Variants in ADGRG3 observed in about 807,000 individuals in gnomAD.
ADGRG3 encodes adhesion G protein-coupled receptor G3.
In ADGRG3, 39 loss-of-function variants were observed where a neutral mutation model predicts 54.3. That is an observed-to-expected ratio of 0.72 (90% confidence interval 0.56 to 0.94). The LOEUF (loss-of-function observed/expected upper bound fraction) is 0.94, where lower values mean the gene tolerates loss of function less well. Ranked by LOEUF, ADGRG3 falls within the 40% of genes least tolerant of loss-of-function variation. ADGRG3 has a pLI of 0.00. For synonymous variants in ADGRG3, 312 were observed against 290.0 expected (o/e 1.08, Z -0.77); for missense variants, 654 against 694.6 (o/e 0.94, Z 0.66).
intron 2 of ADGRG3, among the ~76,000 whole-genome samples, chr16:57,673,829 A>G (rs1175723788): frequency 6.6e-6 from 1 of 152,190 alleles, no homozygotes; most frequent in East Asian, 1.9e-4. Flanking sequence ...AAACCTGGAA[A>G]GGGCTTTGAG....
Position 57,679,170 on chromosome 16 carries a change from T to G in ADGRG3, c.493-7T>G. 1.9e-6 allele frequency: 3 copies of G among 1,613,618 alleles called. No individual in the cohort carries two copies. The highest frequency in any genetic ancestry group is 2.5e-6 in the Non-Finnish European group (3 of 1,179,874). On this transcript the variant is annotated splice_polypyrimidine_tract_variant and splice_region_variant and intron_variant, in intron 4 of 11. Transcript: ENST00000333493. ...CAGCCTGGCCTCCCCGATCTCCCCT[T>G]TCACAGGGCCCCCGGCTCGGCCTGG...
chr16:57,667,000 A>T (rs1475280888), upstream of ADGRG3, among the ~76,000 whole-genome samples: 1 of 152,160 alleles, frequency 6.6e-6, no homozygotes, highest in Non-Finnish European at 1.5e-5. Flanking sequence ...CCAGGTGTGG[A>T]GCAGTGGCAG....
chr16:57,684,519 C>T, intron 10 of ADGRG3, 36 bp downstream of exon 10: 1 of 1,471,958 alleles, frequency 6.8e-7, no homozygotes, highest in Non-Finnish European at 9.5e-7. Context: ...GTGATGCCAG[C>T]TCCCCGGCTA....
At position 57,685,801 on chromosome 16, in the gene ADGRG3, AC is replaced by A; in HGVS notation, c.1417del (p.Arg473GlyfsTer16). ...ACAGCGGTCAAGGAGCGGGGGAAGAACCGGAAGAAGGTGCTCACCCTGCTGG... is the reference window on the plus strand; with the variant it reads ...ACAGCGGTCAAGGAGCGGGGGAAGAACGGAAGAAGGTGCTCACCCTGCTGG... Reference protein sequence around the residue: ...RATAVKERGKNRKKVLTLLGL... With the variant: ...RATAVKERGKXRKKVLTLLGL... On this transcript the variant is annotated frameshift_variant, in exon 11 of 12. Transcript: ENST00000333493. LOFTEE classifies it high-confidence loss of function. The A allele has an allele frequency of 6.2e-7, 1 of 1,614,192 alleles. No individual in the cohort carries two copies.
intron 3 of ADGRG3, 86 bp from the exon 4 acceptor site, chr16:57,678,084 G>T: frequency 6.5e-7 from 1 of 1,544,966 alleles, no homozygotes; most frequent in Middle Eastern, 2.2e-4. Flanking sequence ...TACCCAGTGT[G>T]CCTGCTTCCC....
In ADGRG3 at chr16:57,684,180, A is replaced by G; in HGVS notation, c.1130A>G (p.His377Arg). 1 of 1,613,726 alleles carries G rather than the reference A, an allele frequency of 6.2e-7. No individual in the cohort carries two copies. Among genetic ancestry groups the G allele is most frequent in the Non-Finnish European group, 8.5e-7 (1 of 1,179,806 alleles). The change falls in exon 9 of 12, where the codon CAC becomes CGC. Residue 377 changes from histidine (H) to arginine (R), a missense_variant. Transcript: ENST00000333493. ...AVRVFNTYFGHYFLKLSLVGW... is the reference protein window; with the variant it reads ...AVRVFNTYFGRYFLKLSLVGW... ...AGGGTCTTCAACACCTACTTCGGGCACTACTTCCTGAAGCTGAGCCTGGTG... is the reference window on the plus strand; with the variant it reads ...AGGGTCTTCAACACCTACTTCGGGCGCTACTTCCTGAAGCTGAGCCTGGTG...
intron 8 of ADGRG3, 50 bp from the exon 9 acceptor site, chr16:57,683,882 G>A (rs1180681193): frequency 1.3e-6 from 2 of 1,483,658 alleles, no homozygotes; most frequent in East Asian, 2.3e-5. Flanking sequence ...CCTCATGGGA[G>A]CTCCCCATGG....
intron 11 of ADGRG3, 116 bp downstream of exon 11, chr16:57,686,042 C>T (rs2048467571): frequency 9.3e-7 from 1 of 1,070,090 alleles, no homozygotes; most frequent in African/African-American, 1.6e-5. Flanking sequence ...TAGCTGAAGT[C>T]AAGGATGTTG....
At chr16:57,680,678 A>C (rs2048352094) in intron 8 of ADGRG3, 61 bp downstream of exon 8, 11 of 1,152,260 alleles carry the variant, frequency 9.5e-6, no homozygotes. Context: ...GCAGCAGGGC[A>C]GGGTGGGAAG....
intron 5 of ADGRG3, 103 bp downstream of exon 5, chr16:57,679,414 A>G: frequency 7.8e-7 from 1 of 1,277,016 alleles, no homozygotes; most frequent in Non-Finnish European, 1.1e-6. Flanking sequence ...TCTGTCCCCT[A>G]CCCTTCCACA....
chr16:57,679,057 T>C, intron 4 of ADGRG3, 120 bp from the exon 5 acceptor site: 1 of 1,173,552 alleles, frequency 8.5e-7, no homozygotes, highest in Non-Finnish European at 1.2e-6. Flanking sequence ...GGTCCCCTGG[T>C]CTCGAACTCT....
In ADGRG3 at chr16:57,680,365, G is replaced by T. The variant is rs779745262; in HGVS notation, c.768G>T (p.Leu256=). 6.2e-7 allele frequency: 1 copy of T among 1,611,606 alleles called. No individual in the cohort carries two copies. The highest frequency in any genetic ancestry group is 1.1e-5 in the South Asian group (1 of 90,980). Residue 256 remains leucine (L), a splice_region_variant and synonymous_variant, in exon 7 of 12, where the codon CTG becomes CTT. Coordinates refer to ENST00000333493, the MANE Select transcript of ADGRG3 (RefSeq NM_170776.5). ...ACCTGACCTTTTTCGCCCTGCTCCTGGTAACAGCCCCCTCCACTCTGATCC... is the reference window on the plus strand; with the variant it reads ...ACCTGACCTTTTTCGCCCTGCTCCTTGTAACAGCCCCCTCCACTCTGATCC... ...CDHLTFFALL[L]RPTLDQSTVH... is the part of the protein sequence containing the mutation.
In ADGRG3 at chr16:57,679,227, G is replaced by C. The variant is rs754792124; in HGVS notation, c.543G>C (p.Leu181=). 1 of 1,613,998 alleles carries C rather than the reference G, an allele frequency of 6.2e-7. No homozygotes were observed. The highest frequency in any genetic ancestry group is 8.5e-7 in the Non-Finnish European group (1 of 1,179,926). The change falls in exon 5 of 12, where the codon CTG becomes CTC. Residue 181 remains leucine (L), a synonymous_variant. Coordinates refer to ENST00000333493, the MANE Select transcript of ADGRG3 (RefSeq NM_170776.5). ...GDGSGVLNNR[L]VGLSVGQMHV... ...GCAGCGGCGTGTTGAACAATCGCCT[G>C]GTGGGTTTGAGTGTGGGACAAATGC...
Position 57,679,824 on chromosome 16 carries a change from C to T in ADGRG3, c.636C>T (p.Thr212=). 1 of 1,612,940 alleles carries T rather than the reference C, an allele frequency of 6.2e-7. No individual in the cohort carries two copies. Among genetic ancestry groups the T allele is most frequent in the Non-Finnish European group, 8.5e-7 (1 of 1,179,090 alleles). ...CCACTCTTCGGTTTCAGAACATGAC[C>T]CTCACCTGTGTATTCTGGGATGTGA... ...FSHQRPPPNM[T]LTCVFWDVTK... The change falls in exon 6 of 12, where the codon ACC becomes ACT. Residue 212 remains threonine, a synonymous_variant. Coordinates refer to ENST00000333493, the MANE Select transcript of ADGRG3 (RefSeq NM_170776.5).
chr16:57,669,914 G>A (rs144420297), intron 1 of ADGRG3, among the ~76,000 whole-genome samples: 473 of 152,294 alleles, frequency 3.1e-3, no homozygotes, highest in Non-Finnish European at 4.3e-3. Flanking sequence ...GGCAGGGCAC[G>A]GGGAGCAAGG....
At chr16:57,687,314 G>A (rs556747173) in intron 11 of ADGRG3, among the ~76,000 whole-genome samples, 78 of 151,776 alleles carry the variant, frequency 5.1e-4, no homozygotes, top group Admixed American at 2.0e-3. Flanking sequence ...GCAGTGGCAC[G>A]ATCTCAGCTC....
intron 11 of ADGRG3, among the ~76,000 whole-genome samples, chr16:57,686,387 G>T (rs1276075362): frequency 1.3e-5 from 2 of 151,278 alleles, no homozygotes; most frequent in Non-Finnish European, 2.9e-5. Flanking sequence ...ATCACCAAGG[G>T]GATAGTGCTA....
rs1461532224 is a variant in ADGRG3 at position 57,673,400 on chromosome 16, C to G, written c.138C>G (p.Asp46Glu). ...TGTACGACATCTTCAACTTGAATGA[C>G]AAGGCTTTGTGCTTCACCAAGTGCA... Reference protein sequence around the residue: ...NNMYDIFNLNDKALCFTKCRQ... With the variant: ...NNMYDIFNLNEKALCFTKCRQ... The change falls in exon 2 of 12, where the codon GAC becomes GAG. Residue 46 changes from aspartate (D) to glutamate (E), a missense_variant. Asp to Glu is a conservative substitution (Grantham distance 45, BLOSUM62 2). Transcript: ENST00000333493. 6.2e-7 allele frequency: 1 copy of G among 1,613,856 alleles called. No individual in the cohort carries two copies. Among genetic ancestry groups the G allele is most frequent in the Non-Finnish European group, 8.5e-7 (1 of 1,179,720 alleles).
chr16:57,677,505 C>G (rs547260823), intron 3 of ADGRG3, among the ~76,000 whole-genome samples: 1 of 152,278 alleles, frequency 6.6e-6, no homozygotes, highest in Admixed American at 6.5e-5. Flanking sequence ...TCGCTTGAAC[C>G]TGGGAGGCGG....
Sources: allele counts gnomAD v4.1 joint callset (sites outside exome capture counted in the v4.1 genomes callset), GRCh38; gene constraint gnomAD v4.1.1; transcripts MANE v1.5; gene names NCBI Gene and HGNC (gene_info 2026-07-23, HGNC 2026-07-21).